Variants in TECRL observed in about 807,000 individuals in gnomAD.
TECRL encodes the protein trans-2,3-enoyl-CoA reductase-like.
In TECRL, 63 loss-of-function variants were observed where a neutral mutation model predicts 52.8. That is an observed-to-expected ratio of 1.19 (90% CI 0.97 to 1.47). The LOEUF is 1.47. Among genes scored for constraint, TECRL ranks in the 40% most tolerant of loss-of-function variants. The pLI is 0.00. For missense variants in TECRL, 482 were observed against 429.6 expected (o/e 1.12, Z -1.08); for synonymous variants, 164 against 141.9 (o/e 1.16, Z -1.10).
At chr4:64,378,702 A>G (rs1200952410) in intron 1 of TECRL, among the ~76,000 whole-genome samples, 1 of 152,094 alleles carries the variant, frequency 6.6e-6, no homozygotes, top group Admixed American at 6.6e-5. Flanking sequence ...TAGAATAGCA[A>G]GAATTTTCAC....
intron 2 of TECRL, among the ~76,000 whole-genome samples, chr4:64,334,030 C>CAAAAAAA (rs4034910): frequency 0.019 from 527 of 28,002 alleles, 44 homozygotes; most frequent in African/African-American, 0.043. Flanking sequence ...GACTCCGTCT[C>CAAAAAAA]AAAAAAAAAA....
intron 2 of TECRL, among the ~76,000 whole-genome samples, chr4:64,362,116 A>G (rs1721241017): frequency 6.6e-6 from 1 of 152,164 alleles, no homozygotes; most frequent in African/African-American, 2.4e-5. Context: ...GAGCTTGAAG[A>G]CTGCTCATTT....
At chr4:64,399,269 C>A (rs1265354927) in intron 1 of TECRL, among the ~76,000 whole-genome samples, 1 of 152,130 alleles carries the variant, frequency 6.6e-6, no homozygotes, top group Non-Finnish European at 1.5e-5. Flanking sequence ...CTGGCTACTT[C>A]TCATAGCCTA....
rs72640327 is a variant in TECRL, at chr4:64,395,004, C to T, written c.234+14114G>A. On this transcript the variant is annotated intron_variant, in intron 1 of 11. Transcript: ENST00000381210. ...CTCAGCTCACCACAACCTTTGTCTCCGGGGTTCAAATGATTCTTCTGCCTC... is the reference window on the plus strand; with the variant it reads ...CTCAGCTCACCACAACCTTTGTCTCTGGGGTTCAAATGATTCTTCTGCCTC... Among the ~76,000 whole-genome samples, 957 of 149,606 alleles carry T rather than the reference C, an allele frequency of 6.4e-3. 1 individual carries two copies. The highest frequency in any genetic ancestry group is 0.028 in the South Asian group (132 of 4,718).
chr4:64,349,540 A>G (rs1181582306), intron 2 of TECRL, among the ~76,000 whole-genome samples: 2 of 152,308 alleles, frequency 1.3e-5, no homozygotes, highest in Admixed American at 1.3e-4. Flanking sequence ...CCTTGAAGAC[A>G]TTATTCCTGA....
At chr4:64,280,870 G>T (rs1200294186) in intron 11 of TECRL, among the ~76,000 whole-genome samples, 171 bp downstream of exon 11, 1 of 152,032 alleles carries the variant, frequency 6.6e-6, no homozygotes, top group African/African-American at 2.4e-5. Context: ...GAGACAAAGA[G>T]CAAAAGTACT....
intron 1 of TECRL, among the ~76,000 whole-genome samples, chr4:64,395,551 G>A (rs1038088364): frequency 2.0e-5 from 3 of 152,170 alleles, no homozygotes; most frequent in Non-Finnish European, 2.9e-5. Context: ...TTGATATCAT[G>A]TAATCTGGAC....
intron 3 of TECRL, among the ~76,000 whole-genome samples, chr4:64,324,176 G>A (rs564578550): frequency 4.3e-4 from 65 of 152,058 alleles, no homozygotes; most frequent in African/African-American, 1.5e-3. Context: ...ATAACCATCA[G>A]ACAAGTCTGG....
At chr4:64,357,541 TAA>T (rs1217960510) in intron 2 of TECRL, among the ~76,000 whole-genome samples, 7 of 151,638 alleles carry the variant, frequency 4.6e-5, no homozygotes, top group East Asian at 3.9e-4. Context: ...GAAATTAATA[TAA>T]GTTTATCTGA....
chr4:64,317,170 C>T (rs1206670131), intron 4 of TECRL, among the ~76,000 whole-genome samples: 1 of 151,780 alleles, frequency 6.6e-6, no homozygotes, highest in African/African-American at 2.4e-5. Context: ...CCCAGCTACT[C>T]GGGAGGCTGA....
chr4:64,390,640 T>G (rs1560552619), intron 1 of TECRL, among the ~76,000 whole-genome samples: 1 of 151,854 alleles, frequency 6.6e-6, no homozygotes, highest in Non-Finnish European at 1.5e-5. Flanking sequence ...GAGTCATTGC[T>G]TACTTTAAAC....
chr4:64,361,179 A>G (rs1196120080), intron 2 of TECRL, among the ~76,000 whole-genome samples: 3 of 152,054 alleles, frequency 2.0e-5, no homozygotes, highest in Admixed American at 1.3e-4. Context: ...GCTGACCCTG[A>G]CTATCCACCA....
At chr4:64,314,459 TGGTGTAC>T (rs2110011162) in intron 5 of TECRL, among the ~76,000 whole-genome samples, 182 bp downstream of exon 5, 1 of 152,340 alleles carries the variant, frequency 6.6e-6, no homozygotes, top group South Asian at 2.1e-4. Context: ...ATTTGGAAGC[TGGTGTAC>T]ATACACTATG....
chr4:64,407,447 T>A (rs1198695906), intron 1 of TECRL, among the ~76,000 whole-genome samples: 1 of 151,504 alleles, frequency 6.6e-6, no homozygotes, highest in Admixed American at 6.6e-5. Flanking sequence ...TAAGAAAAAA[T>A]TTAAATGTGT....
chr4:64,305,699 TC>T (rs796890299), intron 6 of TECRL, among the ~76,000 whole-genome samples: 15 of 152,272 alleles, frequency 9.9e-5, no homozygotes, highest in African/African-American at 3.4e-4. Context: ...GCTTTAACCC[TC>T]CCTGCTCCAT....
chr4:64,381,684 TATATC>T (rs1722807114), intron 1 of TECRL, among the ~76,000 whole-genome samples: 1 of 152,190 alleles, frequency 6.6e-6, no homozygotes. Context: ...GTTGATATGA[TATATC>T]ATATTTATTG....
chr4:64,352,545 C>A (rs564597763), intron 2 of TECRL, among the ~76,000 whole-genome samples: 5 of 152,216 alleles, frequency 3.3e-5, no homozygotes, highest in African/African-American at 1.2e-4. Context: ...CAGTAAAGGG[C>A]AGAAAATTTT....
intron 8 of TECRL, among the ~76,000 whole-genome samples, chr4:64,295,769 C>A (rs1723645951): frequency 6.6e-6 from 1 of 151,726 alleles, no homozygotes; most frequent in Non-Finnish European, 1.5e-5. Context: ...TATATTTCTG[C>A]AGTTTGGAGT....
chr4:64,377,808 G>A (rs1391541162), intron 1 of TECRL, among the ~76,000 whole-genome samples: 1 of 152,036 alleles, frequency 6.6e-6, no homozygotes, highest in Non-Finnish European at 1.5e-5. Flanking sequence ...GTTTTTCACA[G>A]AAACCTTTTT....
Sources: gnomAD v4.1 joint callset for allele counts (sites outside exome capture counted in the v4.1 genomes callset) on GRCh38, gnomAD v4.1.1 for gene constraint, MANE v1.5 for transcripts, NCBI Gene and HGNC (gene_info 2026-07-23, HGNC 2026-07-21) for gene names.